The following ASXL3 variants were observed in gnomAD, a reference collection of about 807,000 sequenced individuals.
ASXL3 encodes ASXL transcriptional regulator 3, also known as putative Polycomb group protein ASXL3.
A neutral mutation model predicts 170.6 loss-of-function variants in ASXL3; 34 were observed. The observed-to-expected ratio is 0.20, with a 90% CI of 0.15 to 0.27. ASXL3 has a LOEUF of 0.27. Among genes scored for constraint, ASXL3 ranks in the 10% least tolerant of loss-of-function variants. The pLI, the probability that ASXL3 is intolerant of heterozygous loss-of-function variation, is 1.00. For missense variants in ASXL3, 2,592 were observed against 2,695.3 expected (o/e 0.96, Z 0.85); for synonymous variants, 1,002 against 989.1 (o/e 1.01, Z -0.24).
chr18:33,735,329 C>G (rs2067525980), intron 10 of ASXL3, among the ~76,000 whole-genome samples: 1 of 152,132 alleles, frequency 6.6e-6, no homozygotes, highest in Non-Finnish European at 1.5e-5. Context: ...TAACAGACTG[C>G]TTGGAATAGG....
chr18:33,675,031 A>T (rs1484238489), intron 7 of ASXL3, among the ~76,000 whole-genome samples: 2 of 152,126 alleles, frequency 1.3e-5, no homozygotes, highest in Non-Finnish European at 2.9e-5. Context: ...TTAAGTTGTT[A>T]ACTCCTTGGA....
chr18:33,692,150 G>A (rs545098023), intron 8 of ASXL3, among the ~76,000 whole-genome samples: 1 of 152,284 alleles, frequency 6.6e-6, no homozygotes, highest in African/African-American at 2.4e-5. Flanking sequence ...ATTTGAAATG[G>A]CTGGGATATA....
At chr18:33,729,221 C>T (rs1233948816) in intron 8 of ASXL3, among the ~76,000 whole-genome samples, 1 of 152,172 alleles carries the variant, frequency 6.6e-6, no homozygotes, top group Non-Finnish European at 1.5e-5. Flanking sequence ...ACAACTGTCG[C>T]TCATTTATTG....
At chr18:33,641,408 A>T (rs889349675) in intron 2 of ASXL3, among the ~76,000 whole-genome samples, 6 of 146,758 alleles carry the variant, frequency 4.1e-5, no homozygotes, top group African/African-American at 1.7e-4. Flanking sequence ...GGAAAAACAA[A>T]CAAGTAGAAT....
chr18:33,698,527 A>C (rs2066812905), intron 8 of ASXL3, among the ~76,000 whole-genome samples: 1 of 152,150 alleles, frequency 6.6e-6, no homozygotes, highest in East Asian at 1.9e-4. Context: ...AGGTGGAGTT[A>C]AAAGGAATTG....
In ASXL3 at chr18:33,743,806, G is replaced by A. The variant is rs867039549; in HGVS notation, c.3958G>A (p.Asp1320Asn). 1 of 1,613,996 alleles carries A rather than the reference G, an allele frequency of 6.2e-7. No individual in the cohort carries two copies. Among genetic ancestry groups the A allele is most frequent in the Non-Finnish European group, 8.5e-7 (1 of 1,179,896 alleles). Residue 1320 changes from aspartate (D) to asparagine (N), a missense_variant, in exon 12 of 12, where the codon GAT becomes AAT. Coordinates refer to ENST00000269197, the MANE Select transcript of ASXL3 (RefSeq NM_030632.3). ...EGSSISSSMD[D>N]KQLLISSSSA... is the part of the protein sequence containing the mutation. ...CTCCAGCATATCAAGCTCCATGGAT[G>A]ATAAGCAGTTACTAATATCAAGCAG...
chr18:33,727,526 G>A (rs542801822), intron 8 of ASXL3, among the ~76,000 whole-genome samples: 2 of 152,166 alleles, frequency 1.3e-5, no homozygotes, highest in African/African-American at 4.8e-5. Context: ...ATCTCTATGT[G>A]AGTAAGTTTT....
intron 8 of ASXL3, among the ~76,000 whole-genome samples, chr18:33,720,459 A>G (rs1304576045): frequency 6.6e-6 from 1 of 152,108 alleles, no homozygotes; most frequent in African/African-American, 2.4e-5. Flanking sequence ...GGTTGGGTAC[A>G]TTGGAAGTTT....
intron 8 of ASXL3, among the ~76,000 whole-genome samples, chr18:33,693,865 A>G (rs2066728671): frequency 6.6e-6 from 1 of 152,096 alleles, no homozygotes; most frequent in African/African-American, 2.4e-5. Context: ...GACTGATTAG[A>G]TGTGGTTGAT....
At chr18:33,677,171 G>T (rs1243067011) in intron 7 of ASXL3, among the ~76,000 whole-genome samples, 1 of 152,032 alleles carries the variant, frequency 6.6e-6, no homozygotes, top group African/African-American at 2.4e-5. Context: ...ATTTTATTTG[G>T]TTTAATGTTT....
chr18:33,671,658 T>G, intron 6 of ASXL3, 89 bp from the exon 7 acceptor site: 1 of 1,182,526 alleles, frequency 8.5e-7, no homozygotes, highest in Non-Finnish European at 1.2e-6. Flanking sequence ...AAAAGGAGAT[T>G]ATATCTACAG....
rs763596943 is a variant in ASXL3 at position 33,745,657 on chromosome 18, G to T, written c.5809G>T (p.Ala1937Ser). The T allele has an allele frequency of 5.0e-6, 8 of 1,613,828 alleles. 1 individual carries two copies. The Admixed American group carries it at 1.3e-4, about 27-fold the overall frequency. ...HRQQFYQMPV[A>S]ARGPIPTAAL... ...ACAGCAGTTTTACCAAATGCCTGTG[G>T]CTGCCAGGGGCCCCATTCCTACTGC... The change falls in exon 12 of 12, where the codon GCT (alanine) becomes TCT (serine). Residue 1937 changes from alanine (A) to serine (S), a missense_variant. Ala to Ser is a moderately conservative substitution (Grantham distance 99, BLOSUM62 1). Transcript: ENST00000269197.
At position 33,646,341 on chromosome 18, in the gene ASXL3, G is replaced by A; in HGVS notation, c.343G>A (p.Glu115Lys). Reference protein sequence around the residue: ...TDMAEANAHGEENGVCSKQVT... With the variant: ...TDMAEANAHGKENGVCSKQVT... ...TATGGCCGAGGCAAATGCCCATGGA[G>A]AAGAAAATGGAGGTAAGTGTGATGA... Residue 115 changes from glutamate (E) to lysine (K), a missense_variant, in exon 4 of 12, where the codon GAA becomes AAA. Transcript: ENST00000269197. The A allele has an allele frequency of 6.2e-7, 1 of 1,608,344 alleles. No individual in the cohort carries two copies.
intron 2 of ASXL3, among the ~76,000 whole-genome samples, chr18:33,630,639 C>T (rs930109916): frequency 6.6e-6 from 1 of 151,834 alleles, no homozygotes; most frequent in Admixed American, 6.6e-5. Flanking sequence ...AAATTTTTCC[C>T]ATAGCCAGCA....
chr18:33,693,171 G>A (rs969343696), intron 8 of ASXL3, among the ~76,000 whole-genome samples: 4 of 152,140 alleles, frequency 2.6e-5, no homozygotes, highest in African/African-American at 9.7e-5. Context: ...TTGGTAGTTG[G>A]ATTTAGGGGA....
chr18:33,620,810 A>G lies in ASXL3; in HGVS notation c.137+13134A>G, dbSNP rs2065500696. Among the ~76,000 whole-genome samples, 3 of 152,158 alleles carry G rather than the reference A, an allele frequency of 2.0e-5. No individual in the cohort carries two copies. The South Asian group carries it at 6.2e-4, about 31-fold the overall frequency. On this transcript the variant is annotated intron_variant, in intron 2 of 11. Coordinates refer to ENST00000269197, the MANE Select transcript of ASXL3 (RefSeq NM_030632.3). ...AACTTTTGAATCCAGTCTTCCCTGT[A>G]CCCAACTTCCAACCACCTAATTTCC... is the stretch of plus-strand genomic sequence containing the variant.
intron 1 of ASXL3, among the ~76,000 whole-genome samples, chr18:33,598,357 A>G (rs939738115): frequency 6.6e-6 from 1 of 152,116 alleles, no homozygotes; most frequent in African/African-American, 2.4e-5. Context: ...AAAACTTATT[A>G]TATGTCCCAT....
At chr18:33,629,083 C>T (rs2065640996) in intron 2 of ASXL3, among the ~76,000 whole-genome samples, 1 of 152,058 alleles carries the variant, frequency 6.6e-6, no homozygotes, top group Non-Finnish European at 1.5e-5. Context: ...GTTACTAGTA[C>T]CTTAGAAAAC....
intron 8 of ASXL3, among the ~76,000 whole-genome samples, chr18:33,719,694 C>G (rs1453972081): frequency 1.3e-5 from 2 of 151,918 alleles, no homozygotes; most frequent in South Asian, 4.1e-4. Context: ...AGGACAGAGT[C>G]TTCATGAATG....
Sources: gnomAD v4.1 joint callset for allele counts (sites outside exome capture counted in the v4.1 genomes callset) on GRCh38, gnomAD v4.1.1 for gene constraint, MANE v1.5 for transcripts, NCBI Gene and HGNC (gene_info 2026-07-23, HGNC 2026-07-21) for gene names.